The following RPS6KA2 variants were observed in gnomAD, a reference collection of about 807,000 sequenced individuals.
RPS6KA2 encodes ribosomal protein S6 kinase A2.
In RPS6KA2, 42 loss-of-function variants were observed where a neutral mutation model predicts 91.8. The observed-to-expected ratio is 0.46, with a 90% CI of 0.36 to 0.59. RPS6KA2 has a LOEUF of 0.59. RPS6KA2 is among the 20% of genes least tolerant of loss of function. The pLI is 0.00. For synonymous variants in RPS6KA2, 414 were observed against 393.6 expected, an observed-to-expected ratio of 1.05 and a Z score of -0.61; for missense variants, 798 against 978.5, an observed-to-expected ratio of 0.82 and a Z score of 2.46.
At chr6:166,569,689 G>A (rs550639907) in intron 1 of RPS6KA2, among the ~76,000 whole-genome samples, 83 of 152,298 alleles carry the variant, frequency 5.4e-4, no homozygotes, top group African/African-American at 1.9e-3. Context: ...TGGGAGCTGT[G>A]GACTTCTGTG....
At chr6:166,558,204 G>C (rs752936514) in intron 1 of RPS6KA2, among the ~76,000 whole-genome samples, 1 of 151,964 alleles carries the variant, frequency 6.6e-6, no homozygotes, top group East Asian at 1.9e-4. Context: ...AGAAGCTGAC[G>C]AGTCCCAAGG....
rs1778299891 is a variant in RPS6KA2, at chr6:166,411,424, A to T, written c.*1338T>A. ...CTAGTCTGCTTGGGGGCCGCCAGGG[A>T]GCATCTTCAACACCCTTACAGGACA... On this transcript the variant is annotated 3_prime_UTR_variant, in exon 21 of 21. Transcript: ENST00000265678. The surrounding 1 kb of genome is among the most constrained non-coding windows in gnomAD (Gnocchi z 4.5). 1 of 152,038 alleles carries T rather than the reference A, an allele frequency of 6.6e-6. No individual in the cohort carries two copies. The highest frequency in any genetic ancestry group is 1.5e-5 in the Non-Finnish European group (1 of 68,008). 9.4% of individuals were successfully genotyped at this position (152,038 alleles called of 1,614,324 possible).
intron 17 of RPS6KA2, among the ~76,000 whole-genome samples, chr6:166,421,084 G>A (rs984537226): frequency 1.3e-5 from 2 of 152,218 alleles, no homozygotes; most frequent in Non-Finnish European, 2.9e-5. Flanking sequence ...TGAATGTGGT[G>A]CTCATGGTGC....
At chr6:166,771,895 G>A (rs1174147678) in intron 2 of RPS6KA2, among the ~76,000 whole-genome samples, 3 of 152,154 alleles carry the variant, frequency 2.0e-5, no homozygotes, top group Admixed American at 1.3e-4. Context: ...GGGGTCCAGC[G>A]ATTCTTCCCT....
At chr6:166,707,783 G>A (rs1422106175) in intron 2 of RPS6KA2, among the ~76,000 whole-genome samples, 3 of 151,836 alleles carry the variant, frequency 2.0e-5, no homozygotes, top group African/African-American at 7.3e-5. Context: ...TTGTTGCCCA[G>A]GCTGAAGTAC....
intron 19 of RPS6KA2, among the ~76,000 whole-genome samples, chr6:166,416,513 G>T (rs1778532630): frequency 6.7e-6 from 1 of 149,552 alleles, no homozygotes; most frequent in Middle Eastern, 3.2e-3. Flanking sequence ...CACCACCTCT[G>T]CCACTTTTGC....
At chr6:166,427,651 A>G (rs1354464537) in intron 16 of RPS6KA2, among the ~76,000 whole-genome samples, 2 of 152,234 alleles carry the variant, frequency 1.3e-5, no homozygotes, top group African/African-American at 4.8e-5. Context: ...ATTCTTATAC[A>G]CCAATAACAG....
At position 166,701,965 on chromosome 6, in the gene RPS6KA2, A is replaced by G. The variant is rs1789534730; in HGVS notation, c.123+156235T>C. The G allele has an allele frequency of 6.7e-6, 7 of 1,042,222 alleles. No homozygotes were observed. In the South Asian group the frequency reaches 8.8e-5, roughly 13 times the overall value. The allele number at this position is 1,042,222 out of a possible 1,614,324, so 64.6% of individuals were successfully genotyped here. A position where few individuals can be genotyped will look rare whatever the true frequency, so the allele number is the denominator to read the frequency against. On this transcript the variant is annotated intron_variant, in intron 2 of 21. Transcript: ENST00000503859. ...TTCCTTCTTTACCAATAAGACGGCC[A>G]ACAAAGTTATTTTGAGCTAAAATCT...
chr6:166,423,472 G>A lies in RPS6KA2; in HGVS notation c.1582-55C>T, dbSNP rs1320116170. The A allele has an allele frequency of 6.5e-7, 1 of 1,538,814 alleles. No homozygotes were observed. Among genetic ancestry groups the A allele is most frequent in the African/African-American group, 1.4e-5 (1 of 72,862 alleles). On this transcript the variant is annotated intron_variant, in intron 16 of 20. Coordinates refer to ENST00000265678, the MANE Select transcript of RPS6KA2 (RefSeq NM_021135.6). This position sits in a 1 kb window ranked among gnomAD's most constrained non-coding sequence, Gnocchi z 4.8. The stretch of plus-strand genomic sequence containing the variant: ...GGGGGCTGAGGACTGAGCAGGAGAG[G>A]GAGGGCAGGTGCATTTGGAGGGGAG...
intron 2 of RPS6KA2, among the ~76,000 whole-genome samples, chr6:166,691,532 T>C (rs1427536470): frequency 2.6e-5 from 4 of 152,138 alleles, no homozygotes; most frequent in Non-Finnish European, 4.4e-5. Context: ...TTCAGGGTAC[T>C]GTGCTCAGCC....
At chr6:166,599,324 A>T (rs187910297) in intron 1 of RPS6KA2, among the ~76,000 whole-genome samples, 222 of 152,344 alleles carry the variant, frequency 1.5e-3, no homozygotes, top group African/African-American at 5.1e-3. Context: ...TGAGGTTACC[A>T]GATGGGTAGG....
chr6:166,833,882 CTTCT>C (rs372192800), intron 2 of RPS6KA2, among the ~76,000 whole-genome samples: 7 of 151,814 alleles, frequency 4.6e-5, no homozygotes, highest in African/African-American at 1.2e-4. Context: ...AATTCCTTTT[CTTCT>C]TTCTTTCTTT....
At chr6:166,780,405 G>C (rs1250650274) in intron 2 of RPS6KA2, among the ~76,000 whole-genome samples, 1 of 152,236 alleles carries the variant, frequency 6.6e-6, no homozygotes, top group Non-Finnish European at 1.5e-5. Flanking sequence ...TGAAGCCAGA[G>C]AGAGGCCCGA....
intron 2 of RPS6KA2, among the ~76,000 whole-genome samples, chr6:166,683,936 C>T (rs940285848): frequency 6.6e-6 from 1 of 152,214 alleles, no homozygotes; most frequent in South Asian, 2.1e-4. Flanking sequence ...CCCTTCCCTT[C>T]TCAGGACCCA....
chr6:166,827,454 C>A (rs34849166), intron 2 of RPS6KA2, among the ~76,000 whole-genome samples: 18,169 of 151,912 alleles, frequency 0.12, 1,480 homozygotes, highest in Non-Finnish European at 0.17. Context: ...TCATTTTTTT[C>A]TTTAAACACC....
intron 1 of RPS6KA2, among the ~76,000 whole-genome samples, chr6:166,620,328 A>G (rs1008276010): frequency 6.6e-6 from 1 of 152,232 alleles, no homozygotes; most frequent in Non-Finnish European, 1.5e-5. Context: ...AATAACTGAA[A>G]GAAGAAACAA....
In RPS6KA2 at chr6:166,562,605, C is replaced by T. The variant is rs76059904; in HGVS notation, c.100-23821G>A. Among the ~76,000 whole-genome samples, 6 of 152,302 alleles carry T rather than the reference C, an allele frequency of 3.9e-5. No individual in the cohort carries two copies. In the East Asian group the frequency reaches 7.7e-4, roughly 20 times the overall value. The stretch of plus-strand genomic sequence containing the variant: ...TGGTCCTAAGCACCTACTAAGAGCC[C>T]GGCTGCTACTAAGCCTTGAGTATGT... On this transcript the variant is annotated intron_variant, in intron 1 of 20. Coordinates refer to ENST00000265678, the MANE Select transcript of RPS6KA2 (RefSeq NM_021135.6).
At chr6:166,535,950 C>A (rs1156880654) in intron 2 of RPS6KA2, among the ~76,000 whole-genome samples, 1 of 152,232 alleles carries the variant, frequency 6.6e-6, no homozygotes, top group Non-Finnish European at 1.5e-5. Context: ...TTCCGGCTGA[C>A]CAGGTGAAGA....
chr6:166,480,156 A>G (rs1781137903), intron 10 of RPS6KA2, among the ~76,000 whole-genome samples: 1 of 152,060 alleles, frequency 6.6e-6, no homozygotes, highest in Non-Finnish European at 1.5e-5. Context: ...GAAAAGTGGG[A>G]AAAACACACC....
Sources: gnomAD v4.1 joint callset for allele counts (sites outside exome capture counted in the v4.1 genomes callset) on GRCh38, gnomAD v4.1.1 for gene constraint, Gnocchi (gnomAD v3.1) non-coding constraint, MANE v1.5 for transcripts, NCBI Gene and HGNC (gene_info 2026-07-23, HGNC 2026-07-21) for gene names.